Variants in RPS6KA2 observed in about 807,000 individuals in gnomAD.
RPS6KA2 encodes the protein ribosomal protein S6 kinase A2, also known as ribosomal protein S6 kinase alpha-2.
In RPS6KA2, 42 loss-of-function variants were observed where a neutral mutation model predicts 91.8. That is an observed-to-expected ratio of 0.46 (90% confidence interval 0.36 to 0.59). The LOEUF (loss-of-function observed/expected upper bound fraction) is 0.59, where lower values mean the gene tolerates loss of function less well. Ranked by LOEUF, RPS6KA2 falls within the 20% of genes least tolerant of loss-of-function variation. The pLI is 0.00. For synonymous variants in RPS6KA2, 414 were observed against 393.6 expected, an observed-to-expected ratio of 1.05 and a Z score of -0.61; for missense variants, 798 against 978.5, an observed-to-expected ratio of 0.82 and a Z score of 2.46.
chr6:166,651,526 G>A lies in RPS6KA2; in HGVS notation c.124-112742C>T, dbSNP rs74589924. ...TTTTCAGAAGTAGACAATTCTTCAC[G>A]GGAAGACAACGGAAATCCAAGGAAA... On this transcript the variant is annotated intron_variant, in intron 2 of 21. Coordinates refer to the RPS6KA2 transcript ENST00000503859. 3.4e-3 allele frequency among the ~76,000 whole-genome samples: 521 copies of A among 152,276 alleles called. 5 individuals carry two copies. The East Asian group carries it at 0.039, about 11-fold the overall frequency.
chr6:166,701,387 G>A (rs1049674554), intron 2 of RPS6KA2: 1 of 1,362,578 alleles, frequency 7.3e-7, no homozygotes, highest in South Asian at 1.2e-5. Flanking sequence ...CTCTTCTTTA[G>A]GACTAACGAA....
In RPS6KA2 at chr6:166,770,749, TC is replaced by T; in HGVS notation, c.123+87450del. The T allele has an allele frequency of 9.8e-7, 1 of 1,019,332 alleles. No homozygotes were observed. Among genetic ancestry groups the T allele is most frequent in the Non-Finnish European group, 1.4e-6 (1 of 694,872 alleles). The allele number at this position is 1,019,332 out of a possible 1,614,324, so 63.1% of individuals were successfully genotyped here. On this transcript the variant is annotated intron_variant, in intron 2 of 21. Coordinates refer to the RPS6KA2 transcript ENST00000503859. This position sits in a 1 kb window ranked among gnomAD's most constrained non-coding sequence, Gnocchi z 5.1. ...CTCTTCGCACCTTGCCTTGCTGGACTCCGGGCACCGTGAAACAACTCAATAA... is the reference window on the plus strand; with the variant it reads ...CTCTTCGCACCTTGCCTTGCTGGACTCGGGCACCGTGAAACAACTCAATAA...
intron 1 of RPS6KA2, among the ~76,000 whole-genome samples, chr6:166,575,357 T>C (rs1434894222): frequency 6.6e-6 from 1 of 152,174 alleles, no homozygotes; most frequent in Non-Finnish European, 1.5e-5. Flanking sequence ...GCGCTGGCTT[T>C]TGCTGGAGTC....
intron 2 of RPS6KA2, among the ~76,000 whole-genome samples, chr6:166,694,857 G>A (rs932322448): frequency 5.3e-5 from 8 of 152,174 alleles, no homozygotes; most frequent in Non-Finnish European, 7.3e-5. Flanking sequence ...CATGCTTGCC[G>A]TTTCATCATC....
chr6:166,565,668 G>A (rs1784478423), intron 1 of RPS6KA2, among the ~76,000 whole-genome samples: 1 of 152,332 alleles, frequency 6.6e-6, no homozygotes, highest in Non-Finnish European at 1.5e-5. Flanking sequence ...TTGGACACCG[G>A]GGGCCAGTGA....
In RPS6KA2 at chr6:166,596,953, G is replaced by A. The variant is rs184656633; in HGVS notation, c.99+29968C>T. Among the ~76,000 whole-genome samples, 41 of 152,254 alleles carry A rather than the reference G, an allele frequency of 2.7e-4. 1 individual carries two copies. In the East Asian group the frequency reaches 6.4e-3, roughly 24 times the overall value. ...TGAGGGGGATTTCGAGGGGACTGTG[G>A]TGATTCACCACAGATGCGCCAGTTG... On this transcript the variant is annotated intron_variant, in intron 1 of 20. Transcript: ENST00000265678.
Position 166,494,017 on chromosome 6 carries a change from G to A in RPS6KA2, c.748-3276C>T, listed in dbSNP as rs1238341390. Among the ~76,000 whole-genome samples the A allele has an allele frequency of 1.3e-5, 2 of 152,214 alleles. No individual in the cohort carries two copies. The highest frequency in any genetic ancestry group is 4.8e-5 in the African/African-American group (2 of 41,450). ...ACTCTGGGGAGACCCTTGGTGACAG[G>A]AGCCTCGATTTCAAGTTTACTTGGC... On this transcript the variant is annotated intron_variant, in intron 8 of 20. Coordinates refer to ENST00000265678, the MANE Select transcript of RPS6KA2 (RefSeq NM_021135.6). This position sits in a 1 kb window ranked among gnomAD's most constrained non-coding sequence, Gnocchi z 5.1.
Position 166,459,946 on chromosome 6 carries a change from G to A in RPS6KA2, c.973-395C>T, listed in dbSNP as rs997404271. ...ACTTGCCCCCACTGGGGACAGCAGT[G>A]AAGAGGCCGTGTGGCTCTCTCCTCC... is the stretch of plus-strand genomic sequence containing the variant. On this transcript the variant is annotated intron_variant, in intron 11 of 20. Coordinates refer to ENST00000265678, the MANE Select transcript of RPS6KA2 (RefSeq NM_021135.6). This position sits in a 1 kb window ranked among gnomAD's most constrained non-coding sequence, Gnocchi z 4.9. Among the ~76,000 whole-genome samples the A allele has an allele frequency of 1.1e-4, 17 of 152,178 alleles. No individual in the cohort carries two copies. Among genetic ancestry groups the A allele is most frequent in the African/African-American group, 3.9e-4 (16 of 41,450 alleles).
intron 1 of RPS6KA2, among the ~76,000 whole-genome samples, chr6:166,624,509 G>A (rs989512845): frequency 2.6e-5 from 4 of 152,172 alleles, no homozygotes; most frequent in East Asian, 1.9e-4. Flanking sequence ...TGGGTAGGGC[G>A]CAGAAGAGGA....
rs1009201621 is a variant in RPS6KA2, at chr6:166,635,372, C to A, written c.124-96588G>T. Among the ~76,000 whole-genome samples, 1 of 152,230 alleles carries A rather than the reference C, an allele frequency of 6.6e-6. No individual in the cohort carries two copies. Among genetic ancestry groups the A allele is most frequent in the Non-Finnish European group, 1.5e-5 (1 of 68,044 alleles). The stretch of plus-strand genomic sequence containing the variant: ...TAGCACAGACAAGCCAGGGTGCGTT[C>A]ACTCCCAGGCAGGAAGGGCTTTAGA... On this transcript the variant is annotated intron_variant, in intron 2 of 21. Transcript: ENST00000503859. The surrounding 1 kb of genome is among the most constrained non-coding windows in gnomAD (Gnocchi z 4.8).
At chr6:166,743,778 C>G (rs1403168391) in intron 2 of RPS6KA2, among the ~76,000 whole-genome samples, 1 of 152,004 alleles carries the variant, frequency 6.6e-6, no homozygotes, top group African/African-American at 2.4e-5. Context: ...GCAGACAGGG[C>G]TTTGGCTGGT....
intron 14 of RPS6KA2, among the ~76,000 whole-genome samples, chr6:166,441,059 C>T (rs754918182): frequency 1.4e-4 from 21 of 152,208 alleles, no homozygotes; most frequent in Non-Finnish European, 2.5e-4. Flanking sequence ...TTCCCGTCTT[C>T]GAGTCTCTCT....
intron 3 of RPS6KA2, among the ~76,000 whole-genome samples, chr6:166,519,834 T>C (rs1029558439): frequency 1.3e-5 from 2 of 152,216 alleles, no homozygotes; most frequent in Non-Finnish European, 2.9e-5. Context: ...CCAATAGACA[T>C]TATATGTATA....
At chr6:166,723,421 C>T (rs6902203) in intron 2 of RPS6KA2, among the ~76,000 whole-genome samples, 14,468 of 152,062 alleles carry the variant, frequency 0.095, 2,271 homozygotes, top group African/African-American at 0.33. Flanking sequence ...GGGTCCCACA[C>T]GTGTGCACTA....
intron 1 of RPS6KA2, among the ~76,000 whole-genome samples, chr6:166,561,936 C>T (rs765675611): frequency 5.3e-5 from 8 of 152,158 alleles, no homozygotes; most frequent in East Asian, 1.9e-4. Context: ...AAAGTGAGGG[C>T]GTACTGAGCA....
chr6:166,505,316 G>A (rs575502582), intron 5 of RPS6KA2, among the ~76,000 whole-genome samples: 10 of 152,098 alleles, frequency 6.6e-5, no homozygotes, highest in African/African-American at 1.4e-4. Flanking sequence ...TCCATGTCCC[G>A]GGGGCTCACT....
rs1290447434 is a variant in RPS6KA2 at position 166,433,466 on chromosome 6, C to T, written c.1333-976G>A. On this transcript the variant is annotated intron_variant, in intron 14 of 20. Coordinates refer to ENST00000265678, the MANE Select transcript of RPS6KA2 (RefSeq NM_021135.6). This position sits in a 1 kb window ranked among gnomAD's most constrained non-coding sequence, Gnocchi z 4.4. ...CCTCTGGAGGTGCCTAAGTCCCGCCCTTGCCGCCCCTGCTGTGGGGACGGG... is the reference window on the plus strand; with the variant it reads ...CCTCTGGAGGTGCCTAAGTCCCGCCTTTGCCGCCCCTGCTGTGGGGACGGG... 2.6e-5 allele frequency among the ~76,000 whole-genome samples: 4 copies of T among 152,216 alleles called. No individual in the cohort carries two copies. Among genetic ancestry groups the T allele is most frequent in the Non-Finnish European group, 5.9e-5 (4 of 68,044 alleles).
chr6:166,788,896 A>C (rs1779001051), intron 2 of RPS6KA2, among the ~76,000 whole-genome samples: 6 of 152,232 alleles, frequency 3.9e-5, no homozygotes, highest in Admixed American at 2.6e-4. Context: ...AGATGGCTGA[A>C]TAGGAACAGC....
At chr6:166,837,976 T>C (rs7772563) in intron 2 of RPS6KA2, among the ~76,000 whole-genome samples, 28,291 of 152,276 alleles carry the variant, frequency 0.19, 2,866 homozygotes, top group African/African-American at 0.23. Flanking sequence ...AAAATGAGCT[T>C]GACAGTTGGT....
Sources: gnomAD v4.1 joint callset for allele counts (sites outside exome capture counted in the v4.1 genomes callset) on GRCh38, gnomAD v4.1.1 for gene constraint, Gnocchi (gnomAD v3.1) non-coding constraint, MANE v1.5 for transcripts, NCBI Gene and HGNC (gene_info 2026-07-23, HGNC 2026-07-21) for gene names.